Variants in ARAP3 observed in about 807,000 individuals in gnomAD.
ARAP3 encodes the protein ArfGAP with RhoGAP domain, ankyrin repeat and PH domain 3.
Under a neutral mutation model 169.2 loss-of-function variants are expected in ARAP3, and 82 were observed. The ratio of observed to expected loss-of-function variants is 0.48; its 90% confidence interval spans 0.41 to 0.58. The LOEUF is 0.58. Ranked by LOEUF, ARAP3 falls within the 20% of genes least tolerant of loss-of-function variation. ARAP3 has a pLI of 0.00. For missense variants in ARAP3, 1,764 were observed against 2,018.0 expected, an observed-to-expected ratio of 0.87 and a Z score of 2.41; for synonymous variants, 791 against 800.3, an observed-to-expected ratio of 0.99 and a Z score of 0.20.
At chr5:141,679,482 G>T in intron 4 of ARAP3, 63 bp downstream of exon 4, 2 of 1,496,876 alleles carry the variant, frequency 1.3e-6, no homozygotes, top group Non-Finnish European at 1.9e-6. Context: ...TGAATAACTG[G>T]ATACATGGCC....
chr5:141,672,676 T>C lies in ARAP3; in HGVS notation c.1279-18A>G. ...GAGAAGGCCTGGTGGGGTCAGGGGG[T>C]GGGCATCATGAGGTGCCAGAAGGGA... On this transcript the variant is annotated intron_variant, in intron 8 of 32. Coordinates refer to ENST00000239440, the MANE Select transcript of ARAP3 (RefSeq NM_022481.6). The surrounding 1 kb of genome is among the most constrained non-coding windows in gnomAD (Gnocchi z 4.9). The C allele has an allele frequency of 6.2e-7, 1 of 1,613,666 alleles. No homozygotes were observed. The highest frequency in any genetic ancestry group is 1.3e-5 in the African/African-American group (1 of 74,960).
At chr5:141,655,225 T>TAC (rs148481472) in intron 32 of ARAP3, 137 bp downstream of exon 32, 16,040 of 487,786 alleles carry the variant, frequency 0.033, 268 homozygotes, top group African/African-American at 0.065. Flanking sequence ...CCTGATGGCC[T>TAC]ACACACACAC....
chr5:141,673,969 T>TTC, intron 4 of ARAP3, among the ~76,000 whole-genome samples, 161 bp from the exon 5 acceptor site: 1 of 145,992 alleles, frequency 6.8e-6, no homozygotes, highest in East Asian at 2.0e-4. Context: ...CTTTTTTTTT[T>TTC]TTTTTTTTTT....
At chr5:141,665,426 A>T in intron 17 of ARAP3, 52 bp from the exon 18 acceptor site, 1 of 1,579,732 alleles carries the variant, frequency 6.3e-7, no homozygotes, top group Non-Finnish European at 8.7e-7. Context: ...CATTATAGAG[A>T]CTATTATTTA....
chr5:141,654,323 G>A lies in ARAP3; in HGVS notation c.4262C>T (p.Thr1421Ile), dbSNP rs761602989. 2.5e-6 allele frequency: 4 copies of A among 1,614,170 alleles called. No homozygotes were observed. The highest frequency in any genetic ancestry group is 2.2e-5 in the East Asian group (1 of 44,886). The change falls in exon 33 of 33, where the codon ACT becomes ATT. Residue 1421 changes from threonine to isoleucine, a missense_variant. Physicochemically the swap from Thr to Ile is moderately conservative, Grantham distance 89. Transcript: ENST00000239440. Reference protein sequence around the residue: ...VGAFPELIQDTSTSFSTTREW... With the variant: ...VGAFPELIQDISTSFSTTREW... ...CCGTGTGGTGGAGAAGGAGGTAGAA[G>A]TGTCCTGGATCAACTCAGGGAAGGC...
rs553622706 is a variant in ARAP3, at chr5:141,666,689, G to A, written c.2353-46C>T. ...CAGGAGAAAGGGGGATGGGGGAAGA[G>A]ACAAGGAATAGGGGAGAGAAATGAG... On this transcript the variant is annotated intron_variant, in intron 16 of 32. Coordinates refer to ENST00000239440, the MANE Select transcript of ARAP3 (RefSeq NM_022481.6). 84 of 1,063,166 alleles carry A rather than the reference G, an allele frequency of 7.9e-5. No individual in the cohort carries two copies. The African/African-American group carries it at 1.2e-3, about 16-fold the overall frequency. The allele number at this position is 1,063,166 out of a possible 1,614,324, so 65.9% of individuals were successfully genotyped here. A position where few individuals can be genotyped will look rare whatever the true frequency, so the allele number is the denominator to read the frequency against.
At chr5:141,659,686 T>A (rs567866191) in intron 22 of ARAP3, 93 bp downstream of exon 22, 1 of 1,529,886 alleles carries the variant, frequency 6.5e-7, no homozygotes, top group South Asian at 1.2e-5. Flanking sequence ...AGGCCTGGGC[T>A]GGGGGCTTGT....
rs937348363 is a variant in ARAP3, at chr5:141,673,603, A to C, written c.902+2T>G. 1.9e-6 allele frequency: 3 copies of C among 1,612,644 alleles called. No individual in the cohort carries two copies. The highest frequency in any genetic ancestry group is 2.5e-6 in the Non-Finnish European group (3 of 1,179,236). On this transcript the variant is annotated splice_donor_variant, in intron 5 of 32. Transcript: ENST00000239440. LOFTEE classifies it high-confidence loss of function. ...TCCCTCCCTTCCCCTCCCAGCACCC[A>C]CCCCTGAGGGGAGAGCTTGTCTAGC...
Position 141,680,408 on chromosome 5 carries a change from G to A in ARAP3, c.79C>T (p.Arg27Trp), listed in dbSNP as rs778112171. Residue 27 changes from arginine to tryptophan, a missense_variant, in exon 2 of 33, where the codon CGG (arginine) becomes TGG (tryptophan). By Grantham distance (101) the Arg-to-Trp change is moderately radical. This residue lies in a region of ARAP3 where 630 missense variants were observed against 678.7 expected (regional missense o/e 0.93). Transcript: ENST00000239440. ...GCACCTGCTGTAGCCAGGCCATGCC[G>A]TCGGAACGTGTCTGCATACTGCTCC... ...HLEQYADTFR[R>W]HGLATAGAAR... 4.6e-5 allele frequency: 75 copies of A among 1,613,510 alleles called. No individual in the cohort carries two copies. The highest frequency in any genetic ancestry group is 5.6e-5 in the Non-Finnish European group (66 of 1,180,038).
chr5:141,676,101 T>C (rs1271990774), intron 4 of ARAP3, among the ~76,000 whole-genome samples: 2 of 152,228 alleles, frequency 1.3e-5, no homozygotes, highest in African/African-American at 4.8e-5. Context: ...GGCTCACGCC[T>C]GTAATCCCAG....
At chr5:141,661,090 A>G (rs1165112234) in intron 21 of ARAP3, among the ~76,000 whole-genome samples, 29 of 137,746 alleles carry the variant, frequency 2.1e-4, no homozygotes, top group African/African-American at 8.0e-4. Flanking sequence ...TTGAGACAAG[A>G]TCTCCCTCTG....
chr5:141,657,906 G>A (rs2154598718), intron 25 of ARAP3, among the ~76,000 whole-genome samples: 1 of 152,280 alleles, frequency 6.6e-6, no homozygotes, highest in South Asian at 2.1e-4. Flanking sequence ...TGTCAGAAGT[G>A]GAGGTGTTGA....
rs377654982 is a variant in ARAP3 at position 141,672,936 on chromosome 5, T to C, written c.1094-11A>G. 38 of 1,612,012 alleles carry C rather than the reference T, an allele frequency of 2.4e-5. 1 individual carries two copies. The South Asian group carries it at 4.0e-4, about 17-fold the overall frequency. On this transcript the variant is annotated splice_polypyrimidine_tract_variant and intron_variant, in intron 7 of 32. Coordinates refer to ENST00000239440, the MANE Select transcript of ARAP3 (RefSeq NM_022481.6). The surrounding 1 kb of genome is among the most constrained non-coding windows in gnomAD (Gnocchi z 4.9). The stretch of plus-strand genomic sequence containing the variant: ...ACATGTCCCGCTGAGCTGGTGGGGA[T>C]GGAGAAGCAGGTCAGTGGCTGTTGC...
intron 4 of ARAP3, among the ~76,000 whole-genome samples, chr5:141,674,756 T>C (rs2099911921): frequency 6.6e-6 from 1 of 152,168 alleles, no homozygotes; most frequent in Non-Finnish European, 1.5e-5. Flanking sequence ...GGCTAATCAA[T>C]ATGTCTTGAC....
intron 4 of ARAP3, among the ~76,000 whole-genome samples, chr5:141,675,313 C>T (rs1713552982): frequency 6.6e-6 from 1 of 152,074 alleles, no homozygotes; most frequent in Non-Finnish European, 1.5e-5. Context: ...ACTTGGGAAA[C>T]ATTAAAAAAT....
At chr5:141,663,530 C>T (rs751224187) in intron 19 of ARAP3, among the ~76,000 whole-genome samples, 3 of 152,208 alleles carry the variant, frequency 2.0e-5, no homozygotes, top group Non-Finnish European at 4.4e-5. Flanking sequence ...CTCAGGTGAT[C>T]CACCTGCCTC....
In ARAP3 at chr5:141,672,912, C is replaced by A; in HGVS notation, c.1107G>T (p.Met369Ile). 6 of 1,610,640 alleles carry A rather than the reference C, an allele frequency of 3.7e-6. No individual in the cohort carries two copies. Among genetic ancestry groups the A allele is most frequent in the Non-Finnish European group, 5.1e-6 (6 of 1,178,458 alleles). Residue 369 changes from methionine (M) to isoleucine (I), a missense_variant, in exon 8 of 33, where the codon ATG becomes ATT. This residue lies in a region of ARAP3 where 630 missense variants were observed against 678.7 expected (regional missense o/e 0.93). Coordinates refer to ENST00000239440, the MANE Select transcript of ARAP3 (RefSeq NM_022481.6). The surrounding 1 kb of genome is among the most constrained non-coding windows in gnomAD (Gnocchi z 4.9). Reference sequence around the variant, plus strand: ...GACAGGACTGCAGCGTGGAGCACCACATGTCCCGCTGAGCTGGTGGGGATG... The same window carrying A: ...GACAGGACTGCAGCGTGGAGCACCAAATGTCCCGCTGAGCTGGTGGGGATG... ...FRTESEAQRDMWCSTLQSCLK... is the reference protein window; with the variant it reads ...FRTESEAQRDIWCSTLQSCLK...
chr5:141,675,550 C>A (rs1042292800), intron 4 of ARAP3, among the ~76,000 whole-genome samples: 2 of 151,886 alleles, frequency 1.3e-5, no homozygotes, highest in Non-Finnish European at 2.9e-5. Context: ...GAAACCCCGT[C>A]TCTACTAAAA....
chr5:141,674,171 C>T (rs1467855110), intron 4 of ARAP3, among the ~76,000 whole-genome samples: 1 of 152,108 alleles, frequency 6.6e-6, no homozygotes, highest in East Asian at 1.9e-4. Flanking sequence ...CCATGTTGGT[C>T]AGGCTGGTCT....
Sources: gnomAD v4.1 joint callset for allele counts (sites outside exome capture counted in the v4.1 genomes callset) on GRCh38, gnomAD v4.1.1 for gene constraint, gnomAD v4.1.1 regional missense constraint, Gnocchi (gnomAD v3.1) non-coding constraint, MANE v1.5 for transcripts, NCBI Gene and HGNC (gene_info 2026-07-23, HGNC 2026-07-21) for gene names.